The following SCAMP4 variants were observed in gnomAD, a reference collection of about 807,000 sequenced individuals.
The protein encoded by SCAMP4 is secretory carrier membrane protein 4, also known as secretory carrier-associated membrane protein 4.
SCAMP4 carries 19 observed loss-of-function variants against 32.1 expected under a neutral mutation model. The ratio of observed to expected loss-of-function variants is 0.59; its 90% confidence interval spans 0.41 to 0.87. The LOEUF is 0.87. Among genes scored for constraint, SCAMP4 ranks in the 40% least tolerant of loss-of-function variants. The probability of loss-of-function intolerance (pLI) is 0.00; values close to 1 mark genes in which losing one functional copy is unlikely to be tolerated. For missense variants in SCAMP4, 302 were observed against 309.0 expected, an observed-to-expected ratio of 0.98 and a Z score of 0.17; for synonymous variants, 152 against 132.7, an observed-to-expected ratio of 1.15 and a Z score of -1.00.
chr19:1,915,914 C>CA (rs2013717074), intron 2 of SCAMP4, among the ~76,000 whole-genome samples: 1 of 149,310 alleles, frequency 6.7e-6, no homozygotes, highest in Non-Finnish European at 1.5e-5. Context: ...CACTGCACTC[C>CA]AGCCTGGGTG....
rs1599253055 is a variant in SCAMP4, at chr19:1,919,095, T to C, written c.395+105T>C. ...CCACCGGAGCGTGCTGGTCCGGGAT[T>C]GTACGCGCTCTCCTAGGGAGGGGTC... On this transcript the variant is annotated intron_variant, in intron 5 of 6. Transcript: ENST00000316097. The C allele has an allele frequency of 4.5e-6, 7 of 1,540,058 alleles. No individual in the cohort carries two copies. In the East Asian group the frequency reaches 1.5e-4, roughly 32 times the overall value.
At chr19:1,912,683 G>A in intron 1 of SCAMP4, 2 of 1,459,506 alleles carry the variant, frequency 1.4e-6, no homozygotes, top group South Asian at 2.7e-5. Flanking sequence ...GGGCCGTGGG[G>A]GCCGTGGTAG....
At chr19:1,913,643 C>T (rs960937925) in intron 1 of SCAMP4, among the ~76,000 whole-genome samples, 10 of 152,148 alleles carry the variant, frequency 6.6e-5, no homozygotes, top group African/African-American at 1.2e-4. Context: ...TGGTTCCAGG[C>T]GTGCCTGGCC....
At chr19:1,912,515 G>C (rs1405778214) in intron 1 of SCAMP4, 1 of 1,494,574 alleles carries the variant, frequency 6.7e-7, no homozygotes, top group Non-Finnish European at 8.8e-7. Flanking sequence ...GCCAGTTCGA[G>C]GAGGCCCGGG....
chr19:1,922,292 C>T (rs1369690199), intron 5 of SCAMP4: 1 of 976,868 alleles, frequency 1.0e-6, no homozygotes, highest in African/African-American at 1.8e-5. Context: ...CAGAATCTTG[C>T]TCTGTCCCCC....
intron 1 of SCAMP4, among the ~76,000 whole-genome samples, chr19:1,909,827 C>G (rs981895978): frequency 2.0e-5 from 3 of 152,200 alleles, no homozygotes; most frequent in African/African-American, 7.2e-5. Context: ...CAGGGCCCAC[C>G]ACAGCTGCAG....
chr19:1,915,929 A>G (rs1310736502), intron 2 of SCAMP4, among the ~76,000 whole-genome samples: 3 of 129,468 alleles, frequency 2.3e-5, no homozygotes, highest in Non-Finnish European at 4.7e-5. Context: ...TGGGTGACAG[A>G]GCGAGACTGT....
chr19:1,917,993 C>T (rs1336734618), intron 3 of SCAMP4, 134 bp from the exon 4 acceptor site: 1 of 1,371,926 alleles, frequency 7.3e-7, no homozygotes, highest in Non-Finnish European at 9.9e-7. Context: ...AGTGTCTTGG[C>T]TTGCACAGTT....
At chr19:1,922,383 C>G in intron 5 of SCAMP4, 2 of 666,082 alleles carry the variant, frequency 3.0e-6, no homozygotes, top group Non-Finnish European at 3.7e-6. Flanking sequence ...TACAGGCATG[C>G]GCCCTCATGC....
At chr19:1,921,083 C>G (rs2013905013) in intron 5 of SCAMP4, 7 of 985,298 alleles carry the variant, frequency 7.1e-6, no homozygotes, top group Non-Finnish European at 8.4e-6. Flanking sequence ...AGAAATCAAA[C>G]CACAGCGCAC....
At chr19:1,919,438 G>C in intron 5 of SCAMP4, 1 of 985,048 alleles carries the variant, frequency 1.0e-6, no homozygotes, top group Non-Finnish European at 1.2e-6. Flanking sequence ...CTCTAAGGCT[G>C]CCAGGTGCCC....
chr19:1,913,258 G>A, intron 1 of SCAMP4: 1 of 1,416,842 alleles, frequency 7.1e-7, no homozygotes, highest in Non-Finnish European at 9.3e-7. Flanking sequence ...TGGATTTCAG[G>A]GACACATACC....
At position 1,924,304 on chromosome 19, in the gene SCAMP4, C is replaced by T; in HGVS notation, c.*20C>T. On this transcript the variant is annotated 3_prime_UTR_variant, in exon 7 of 7. Transcript: ENST00000316097. ...CCTTAGAGGGAGCCTGCCCTGCCCC[C>T]ACCGCCCACCACCTCCTCCCCTTCA... is the stretch of plus-strand genomic sequence containing the variant. 2 of 1,558,696 alleles carry T rather than the reference C, an allele frequency of 1.3e-6. No homozygotes were observed. The highest frequency in any genetic ancestry group is 1.7e-6 in the Non-Finnish European group (2 of 1,152,556).
chr19:1,921,037 C>T (rs888674795), intron 5 of SCAMP4: 16 of 985,454 alleles, frequency 1.6e-5, no homozygotes, highest in Middle Eastern at 5.2e-4. Flanking sequence ...AGAAACCCAG[C>T]GGGTCTTAGG....
intron 5 of SCAMP4, chr19:1,921,026 A>G: frequency 1.0e-6 from 1 of 985,412 alleles, no homozygotes; most frequent in East Asian, 1.1e-4. Context: ...GCTCTTGAGA[A>G]AGAAACCCAG....
chr19:1,911,326 C>T (rs1354721378), intron 1 of SCAMP4, among the ~76,000 whole-genome samples: 1 of 152,126 alleles, frequency 6.6e-6, no homozygotes, highest in East Asian at 1.9e-4. Flanking sequence ...TGTGTGCCAC[C>T]ACGCCCAGCT....
In SCAMP4 at chr19:1,923,100, G is replaced by T; in HGVS notation, c.426G>T (p.Gln142His). ...CGWLSAIGFF[Q>H]YSPGAAVVML... is the part of the protein sequence containing the mutation. ...GGCTGTCGGCAATTGGATTCTTCCAGTACAGCCCGGGCGCTGCCGTGGTCA... is the reference window on the plus strand; with the variant it reads ...GGCTGTCGGCAATTGGATTCTTCCATTACAGCCCGGGCGCTGCCGTGGTCA... Residue 142 changes from glutamine to histidine, a missense_variant, in exon 6 of 7, where the codon CAG becomes CAT. Coordinates refer to ENST00000316097, the MANE Select transcript of SCAMP4 (RefSeq NM_079834.4). 6.4e-7 allele frequency: 1 copy of T among 1,552,190 alleles called. No individual in the cohort carries two copies. The highest frequency in any genetic ancestry group is 8.7e-7 in the Non-Finnish European group (1 of 1,147,500).
intron 2 of SCAMP4, 44 bp downstream of exon 2, chr19:1,915,070 G>A (rs1308882597): frequency 6.2e-7 from 1 of 1,612,676 alleles, no homozygotes; most frequent in Non-Finnish European, 8.5e-7. Context: ...GTGGGCGGGA[G>A]GGAGATGCCA....
rs1327035858 is a variant in SCAMP4 at position 1,913,418 on chromosome 19, C to G, written c.-41-1561C>G. On this transcript the variant is annotated intron_variant, in intron 1 of 6. Coordinates refer to ENST00000316097, the MANE Select transcript of SCAMP4 (RefSeq NM_079834.4). Reference sequence around the variant, plus strand: ...CTGTCTCGCGGGCCGGGAAACTGCTCTGATGGGAAAATAAACAGCCCAAAA... The same window carrying G: ...CTGTCTCGCGGGCCGGGAAACTGCTGTGATGGGAAAATAAACAGCCCAAAA... The G allele has an allele frequency of 1.6e-5, 9 of 578,508 alleles. No individual in the cohort carries two copies. In the East Asian group the frequency reaches 2.2e-4, roughly 14 times the overall value. 35.8% of individuals were successfully genotyped at this position (578,508 alleles called of 1,614,324 possible). A position where few individuals can be genotyped will look rare whatever the true frequency, so the allele number is the denominator to read the frequency against.
Sources: allele counts gnomAD v4.1 joint callset (sites outside exome capture counted in the v4.1 genomes callset), GRCh38; gene constraint gnomAD v4.1.1; transcripts MANE v1.5; gene names NCBI Gene and HGNC (gene_info 2026-07-23, HGNC 2026-07-21).